MACROD2: variants seen among roughly 807,000 people sequenced by gnomAD.
MACROD2 encodes the protein mono-ADP ribosylhydrolase 2.
MACROD2 carries 36 observed loss-of-function variants against 70.4 expected under a neutral mutation model. The ratio of observed to expected loss-of-function variants is 0.51; its 90% CI spans 0.39 to 0.68. The LOEUF (loss-of-function observed/expected upper bound fraction) is 0.68, where lower values mean the gene tolerates loss of function less well. Among genes scored for constraint, MACROD2 ranks in the 30% least tolerant of loss-of-function variants. The pLI is 0.00. For missense variants in MACROD2, 496 were observed against 538.4 expected (o/e 0.92, Z 0.78); for synonymous variants, 172 against 178.8 (o/e 0.96, Z 0.30).
chr20:14,754,073 A>G (rs112706836), intron 5 of MACROD2, among the ~76,000 whole-genome samples: 3 of 152,156 alleles, frequency 2.0e-5, no homozygotes, highest in African/African-American at 7.2e-5. Flanking sequence ...AAATACTTCC[A>G]TAAAAGTAAG....
chr20:14,835,146 A>G (rs1568823809), intron 5 of MACROD2, among the ~76,000 whole-genome samples: 1 of 152,124 alleles, frequency 6.6e-6, no homozygotes, highest in South Asian at 2.1e-4. Flanking sequence ...AAACTGTGCC[A>G]TTTCCGGCAC....
At chr20:14,444,827 G>C (rs547888213) in intron 3 of MACROD2, among the ~76,000 whole-genome samples, 3 of 151,758 alleles carry the variant, frequency 2.0e-5, no homozygotes, top group East Asian at 1.9e-4. Context: ...TACCATCTCT[G>C]TGTGTGTGTA....
intron 4 of MACROD2, among the ~76,000 whole-genome samples, chr20:14,560,772 C>G (rs527300656): frequency 1.6e-4 from 25 of 151,886 alleles, no homozygotes; most frequent in Non-Finnish European, 3.2e-4. Flanking sequence ...AATGCCGACA[C>G]TTATTTTAGC....
chr20:14,189,017 G>C (rs142089729), intron 3 of MACROD2, among the ~76,000 whole-genome samples: 1 of 152,154 alleles, frequency 6.6e-6, no homozygotes, highest in East Asian at 1.9e-4. Context: ...TCATTCAGTG[G>C]TAGAGTGGCA....
At chr20:15,351,696 C>A (rs1244007277) in intron 6 of MACROD2, among the ~76,000 whole-genome samples, 2 of 152,174 alleles carry the variant, frequency 1.3e-5, no homozygotes, top group Non-Finnish European at 2.9e-5. Context: ...CCCCTCTTCC[C>A]AAACATGCAG....
intron 4 of MACROD2, among the ~76,000 whole-genome samples, chr20:14,581,963 A>G (rs797001996): frequency 1.4e-4 from 22 of 152,218 alleles, no homozygotes; most frequent in Admixed American, 3.9e-4. Context: ...TATTCTACAC[A>G]TTTCCTGATA....
At chr20:14,698,921 T>C (rs1414613193) in intron 5 of MACROD2, among the ~76,000 whole-genome samples, 1 of 152,028 alleles carries the variant, frequency 6.6e-6, no homozygotes, top group African/African-American at 2.4e-5. Context: ...ACTTGGCTAA[T>C]AGATACAAAT....
intron 5 of MACROD2, among the ~76,000 whole-genome samples, chr20:15,118,578 T>A (rs2076008711): frequency 6.6e-6 from 1 of 152,136 alleles, no homozygotes; most frequent in Non-Finnish European, 1.5e-5. Context: ...CCTAAACCAA[T>A]GAGAATTCTC....
chr20:15,012,649 A>G (rs1041213248), intron 5 of MACROD2, among the ~76,000 whole-genome samples: 8 of 152,124 alleles, frequency 5.3e-5, no homozygotes, highest in Non-Finnish European at 1.5e-5. Context: ...TAGCTCTGTC[A>G]TATTGAGCCA....
intron 5 of MACROD2, among the ~76,000 whole-genome samples, chr20:14,738,615 G>A (rs1252161637): frequency 2.0e-5 from 3 of 151,874 alleles, no homozygotes; most frequent in East Asian, 1.9e-4. Flanking sequence ...GCAAATGCAC[G>A]CATACATGAA....
chr20:14,939,607 C>T (rs921984902), intron 5 of MACROD2, among the ~76,000 whole-genome samples: 3 of 151,916 alleles, frequency 2.0e-5, no homozygotes, highest in Non-Finnish European at 2.9e-5. Context: ...TTTAGGATTG[C>T]TTTTTCTATA....
chr20:14,694,289 A>C (rs571498487), intron 5 of MACROD2, among the ~76,000 whole-genome samples: 208 of 152,342 alleles, frequency 1.4e-3, no homozygotes, highest in African/African-American at 4.6e-3. Flanking sequence ...TAGAGCTGAC[A>C]GGAATTTTAA....
At chr20:15,335,324 A>G (rs2078036432) in intron 6 of MACROD2, among the ~76,000 whole-genome samples, 2 of 151,778 alleles carry the variant, frequency 1.3e-5, no homozygotes, top group Admixed American at 1.3e-4. Flanking sequence ...AAAGAGCAAC[A>G]TAAGAAAGAC....
chr20:15,089,175 G>T (rs1305498742), intron 5 of MACROD2, among the ~76,000 whole-genome samples: 1 of 152,146 alleles, frequency 6.6e-6, no homozygotes, highest in Non-Finnish European at 1.5e-5. Context: ...TTCTATGAAA[G>T]TATTGACTTA....
chr20:14,036,648 G>T (rs1397934350), intron 2 of MACROD2, among the ~76,000 whole-genome samples: 1 of 152,184 alleles, frequency 6.6e-6, no homozygotes, highest in Non-Finnish European at 1.5e-5. Flanking sequence ...GTCGTGGGTT[G>T]TTGGTATCCA....
At chr20:14,345,447 G>A (rs935494841) in intron 3 of MACROD2, among the ~76,000 whole-genome samples, 4 of 151,808 alleles carry the variant, frequency 2.6e-5, no homozygotes, top group Non-Finnish European at 4.4e-5. Context: ...ACATTATTTA[G>A]GTAATTATAA....
At chr20:15,505,579 G>C (rs2047415647) in intron 8 of MACROD2, among the ~76,000 whole-genome samples, 1 of 152,080 alleles carries the variant, frequency 6.6e-6, no homozygotes, top group African/African-American at 2.4e-5. Flanking sequence ...GTTGAGGATG[G>C]ACTCCTTCCC....
At chr20:15,948,026 A>G (rs1351874261) in intron 12 of MACROD2, among the ~76,000 whole-genome samples, 1 of 152,010 alleles carries the variant, frequency 6.6e-6, no homozygotes. Context: ...TAGAGCGGTC[A>G]TTGGCCAACC....
chr20:15,164,963 TAA>T (rs1378497722), intron 5 of MACROD2, among the ~76,000 whole-genome samples: 17 of 151,484 alleles, frequency 1.1e-4, no homozygotes, highest in Admixed American at 1.1e-3. Flanking sequence ...GAAGAAAGAA[TAA>T]GAGGTAGAAA....
Sources: gnomAD v4.1 joint callset for allele counts (sites outside exome capture counted in the v4.1 genomes callset) on GRCh38, gnomAD v4.1.1 for gene constraint, MANE v1.5 for transcripts, NCBI Gene and HGNC (gene_info 2026-07-23, HGNC 2026-07-21) for gene names.